Variants in USP40 observed in about 807,000 individuals in gnomAD.
USP40 encodes the protein ubiquitin specific peptidase 40, also known as ubiquitin carboxyl-terminal hydrolase 40.
USP40 carries 143 observed loss-of-function variants against 166.2 expected under a neutral mutation model. The observed-to-expected ratio is 0.86, with a 90% CI of 0.75 to 0.99. USP40 has a LOEUF of 0.99. Ranked by LOEUF, USP40 falls within the 50% of genes least tolerant of loss-of-function variation. The pLI, the probability that USP40 is intolerant of heterozygous loss-of-function variation, is 0.00. For missense variants in USP40, 1,444 were observed against 1,479.7 expected (o/e 0.98, Z 0.40); for synonymous variants, 498 against 524.0 (o/e 0.95, Z 0.68).
chr2:233,506,093 A>G (rs2066400210), intron 21 of USP40, among the ~76,000 whole-genome samples: 1 of 152,228 alleles, frequency 6.6e-6, no homozygotes, highest in South Asian at 2.1e-4. Flanking sequence ...CCTTACTTCA[A>G]AATATACTAC....
chr2:233,563,055 C>G (rs1201132605), intron 2 of USP40, among the ~76,000 whole-genome samples: 1 of 152,088 alleles, frequency 6.6e-6, no homozygotes, highest in Non-Finnish European at 1.5e-5. Context: ...ATGCATAAAA[C>G]TAAAAACAGT....
intron 28 of USP40, chr2:233,487,715 T>C (rs1257073177): frequency 1.8e-5 from 4 of 222,426 alleles, no homozygotes; most frequent in Non-Finnish European, 3.7e-5. Flanking sequence ...TATCTTTATT[T>C]AATAAATAAT....
At position 233,493,186 on chromosome 2, in the gene USP40, T is replaced by G. The variant is rs1434444966; in HGVS notation, c.2917+239A>C. On this transcript the variant is annotated intron_variant, in intron 25 of 31. Coordinates refer to ENST00000678225, the MANE Select transcript of USP40 (RefSeq NM_001365479.2). This position sits in a 1 kb window ranked among gnomAD's most constrained non-coding sequence, Gnocchi z 4.7. ...ATAAAAGTCTTTGGAAAGTGTAATA[T>G]ATTGATATAATAATAAACAACAAGA... 2 of 571,710 alleles carry G rather than the reference T, an allele frequency of 3.5e-6. No homozygotes were observed. The highest frequency in any genetic ancestry group is 6.1e-6 in the Non-Finnish European group (2 of 330,346). The allele number at this position is 571,710 out of a possible 1,614,324, so 35.4% of individuals were successfully genotyped here. A position where few individuals can be genotyped will look rare whatever the true frequency, so the allele number is the denominator to read the frequency against.
chr2:233,519,872 T>C (rs1040166233), intron 17 of USP40, among the ~76,000 whole-genome samples: 6 of 152,108 alleles, frequency 3.9e-5, no homozygotes, highest in African/African-American at 7.2e-5. Context: ...ATAGTTAAGT[T>C]TTTACCAAAT....
At chr2:233,488,152 C>G in intron 28 of USP40, 87 bp downstream of exon 28, 1 of 1,121,696 alleles carries the variant, frequency 8.9e-7, no homozygotes, top group Non-Finnish European at 1.3e-6. Context: ...GAAAAAAATG[C>G]TACACTATGA....
In USP40 at chr2:233,486,020, C is replaced by G; in HGVS notation, c.3198-43G>C. ...CAAGCGCCAGATCCAAACAAACAAA[C>G]AAAACCACGTGGTAACTTGAGGCAT... is the stretch of plus-strand genomic sequence containing the variant. On this transcript the variant is annotated intron_variant, in intron 28 of 31. Transcript: ENST00000678225. The surrounding 1 kb of genome is among the most constrained non-coding windows in gnomAD (Gnocchi z 4.0). The G allele has an allele frequency of 6.5e-7, 1 of 1,528,542 alleles. No individual in the cohort carries two copies. The highest frequency in any genetic ancestry group is 8.8e-7 in the Non-Finnish European group (1 of 1,141,850). The allele number at this position is 1,528,542 out of a possible 1,614,324, so 94.7% of individuals were successfully genotyped here.
chr2:233,479,880 CAG>C (rs1369829688), intron 31 of USP40, among the ~76,000 whole-genome samples: 1 of 152,122 alleles, frequency 6.6e-6, no homozygotes, highest in Non-Finnish European at 1.5e-5. Flanking sequence ...CCCCGGAGAG[CAG>C]AGAGGAAGGG....
intron 31 of USP40, among the ~76,000 whole-genome samples, chr2:233,478,254 C>T (rs2064310781): frequency 6.6e-6 from 1 of 152,228 alleles, no homozygotes; most frequent in Non-Finnish European, 1.5e-5. Context: ...GCAGGAGGTA[C>T]TGTCCTGAGT....
At chr2:233,504,208 C>T (rs1425419340) in intron 21 of USP40, among the ~76,000 whole-genome samples, 2 of 151,902 alleles carry the variant, frequency 1.3e-5, no homozygotes, top group African/African-American at 4.8e-5. Context: ...AACCATCAAA[C>T]CACAGAAGTA....
chr2:233,510,220 G>A (rs368853281), intron 20 of USP40, 85 bp from the exon 21 acceptor site: 3 of 1,002,682 alleles, frequency 3.0e-6, no homozygotes, highest in Non-Finnish European at 4.4e-6. Flanking sequence ...AAAATGTAAA[G>A]CCAAGGGCCC....
chr2:233,521,811 T>C (rs548734878), intron 16 of USP40, among the ~76,000 whole-genome samples: 3 of 152,300 alleles, frequency 2.0e-5, no homozygotes, highest in Admixed American at 6.5e-5. Flanking sequence ...TAAAACAAAG[T>C]ATGAAGCACA....
In USP40 at chr2:233,479,556, C is replaced by T. The variant is rs143782725; in HGVS notation, c.3599+1647G>A. Among the ~76,000 whole-genome samples, 972 of 143,228 alleles carry T rather than the reference C, an allele frequency of 6.8e-3. 5 individuals are homozygous for T. The highest frequency in any genetic ancestry group is 0.024 in the African/African-American group (878 of 36,368). The allele number at this position is 143,228 out of a possible 152,430, so 94.0% of individuals were successfully genotyped here. A position where few individuals can be genotyped will look rare whatever the true frequency, so the allele number is the denominator to read the frequency against. The stretch of plus-strand genomic sequence containing the variant: ...CCAGCCTGGCGACAAGGTGGGACTC[C>T]GTCGCAAAAAAAAAAAAAAATTTGG... On this transcript the variant is annotated intron_variant, in intron 31 of 31. Transcript: ENST00000678225.
At position 233,511,800 on chromosome 2, in the gene USP40, T is replaced by TA; in HGVS notation, c.2438-4dup. On this transcript the variant is annotated splice_polypyrimidine_tract_variant and splice_region_variant and intron_variant, in intron 19 of 31. Transcript: ENST00000678225. The stretch of plus-strand genomic sequence containing the variant: ...CTTCAAAGTATAGCTGTCCGGCACT[T>TA]AAAAAAATTTTGATAATATGATGAA... 6.2e-7 allele frequency: 1 copy of TA among 1,600,298 alleles called. No individual in the cohort carries two copies. Among genetic ancestry groups the TA allele is most frequent in the Non-Finnish European group, 8.5e-7 (1 of 1,173,640 alleles).
At position 233,530,205 on chromosome 2, in the gene USP40, G is replaced by GACACACACACACACACAC. The variant is rs71058561; in HGVS notation, c.1472-711_1472-694dup. ...ATACTGCTCATAATTTCACTCCCAA[G>GACACACACACACACACAC]ACACACACACACACACACACACACA... On this transcript the variant is annotated intron_variant, in intron 11 of 31. Coordinates refer to ENST00000678225, the MANE Select transcript of USP40 (RefSeq NM_001365479.2). Among the ~76,000 whole-genome samples, 821 of 149,366 alleles carry GACACACACACACACACAC rather than the reference G, an allele frequency of 5.5e-3. 8 individuals carry two copies. Among genetic ancestry groups the GACACACACACACACACAC allele is most frequent in the African/African-American group, 0.019 (787 of 40,558 alleles).
At chr2:233,492,121 A>G (rs1234910138) in intron 25 of USP40, among the ~76,000 whole-genome samples, 1 of 152,250 alleles carries the variant, frequency 6.6e-6, no homozygotes, top group Non-Finnish European at 1.5e-5. Context: ...ATGTGATCCT[A>G]TAAGATTATA....
Position 233,525,483 on chromosome 2 carries a change from A to T in USP40, c.1805T>A (p.Leu602His), listed in dbSNP as rs1230858538. Residue 602 changes from leucine (L) to histidine (H), a missense_variant, in exon 14 of 32, where the codon CTT becomes CAT. Leu to His is a moderately conservative substitution (Grantham distance 99). Coordinates refer to ENST00000678225, the MANE Select transcript of USP40 (RefSeq NM_001365479.2). ...VPAGLHIYQS[L>H]GGDELTLCET... ...TGTTTTCATATTTATCTTACCGCCAAGTGACTGGTAAATGTGAAGTCCTGC... is the reference window on the plus strand; with the variant it reads ...TGTTTTCATATTTATCTTACCGCCATGTGACTGGTAAATGTGAAGTCCTGC... 1 of 1,612,460 alleles carries T rather than the reference A, an allele frequency of 6.2e-7. No individual in the cohort carries two copies. The highest frequency in any genetic ancestry group is 8.5e-7 in the Non-Finnish European group (1 of 1,178,958).
At chr2:233,529,610 G>A in intron 11 of USP40, 98 bp from the exon 12 acceptor site, 1 of 731,600 alleles carries the variant, frequency 1.4e-6, no homozygotes, top group East Asian at 2.9e-5. Flanking sequence ...CTAGGAGCTA[G>A]GAAAGCTGCT....
In USP40 at chr2:233,542,070, G is replaced by A. The variant is rs574363262; in HGVS notation, c.1062+198C>T. 2.6e-5 allele frequency among the ~76,000 whole-genome samples: 4 copies of A among 151,972 alleles called. No homozygotes were observed. In the South Asian group the frequency reaches 8.3e-4, roughly 32 times the overall value. On this transcript the variant is annotated intron_variant, in intron 9 of 31. Coordinates refer to ENST00000678225, the MANE Select transcript of USP40 (RefSeq NM_001365479.2). ...TTCTTGAATTTTCTACCATGAATAT[G>A]TATTTCATTCATAACCAGAAAATCC...
At chr2:233,549,266 T>C (rs890444247) in intron 7 of USP40, 37 bp from the exon 8 acceptor site, 25 of 1,196,996 alleles carry the variant, frequency 2.1e-5, no homozygotes, top group Non-Finnish European at 2.7e-5. Context: ...GATATAGTTT[T>C]CATAAAATGC....
Sources: allele counts gnomAD v4.1 joint callset (sites outside exome capture counted in the v4.1 genomes callset), GRCh38; gene constraint gnomAD v4.1.1; non-coding constraint Gnocchi (gnomAD v3.1); transcripts MANE v1.5; gene names NCBI Gene and HGNC (gene_info 2026-07-23, HGNC 2026-07-21).